Variants in JMJD1C observed in about 807,000 individuals in gnomAD.
JMJD1C encodes jumonji domain-containing protein 1C.
A neutral mutation model predicts 245.3 loss-of-function variants in JMJD1C; 31 were observed. The observed-to-expected ratio is 0.13, with a 90% CI of 0.09 to 0.17. The LOEUF (loss-of-function observed/expected upper bound fraction) is 0.17, where lower values mean the gene tolerates loss of function less well. Ranked by LOEUF, JMJD1C falls within the 10% of genes least tolerant of loss-of-function variation. The pLI is 1.00. For missense variants in JMJD1C, 2,691 were observed against 3,000.2 expected (o/e 0.90, Z 2.41); for synonymous variants, 1,057 against 1,017.4 (o/e 1.04, Z -0.74).
chr10:63,297,998 T>C (rs1437287884), intron 2 of JMJD1C, among the ~76,000 whole-genome samples: 1 of 152,218 alleles, frequency 6.6e-6, no homozygotes, highest in African/African-American at 2.4e-5. Flanking sequence ...ATTCCCTCCA[T>C]CCACACGCGG....
At chr10:63,291,673 G>A (rs1858739993) in intron 2 of JMJD1C, among the ~76,000 whole-genome samples, 1 of 151,070 alleles carries the variant, frequency 6.6e-6, no homozygotes, top group South Asian at 2.1e-4. Flanking sequence ...CTAGAGTGCA[G>A]TGACTATTCA....
rs376120047 is a variant in JMJD1C at position 63,207,360 on chromosome 10, T to A, written c.4309A>T (p.Ser1437Cys). 3 of 1,613,958 alleles carry A rather than the reference T, an allele frequency of 1.9e-6. No homozygotes were observed. Among genetic ancestry groups the A allele is most frequent in the Non-Finnish European group, 1.7e-6 (2 of 1,180,034 alleles). ...STSSECVSSK[S>C]VSQPVAQKQE... Reference sequence around the variant, plus strand: ...TTTTGAGCCACTGGCTGACTGACACTTTTTGAAGATACACATTCTGATGAT... The same window carrying A: ...TTTTGAGCCACTGGCTGACTGACACATTTTGAAGATACACATTCTGATGAT... Residue 1437 changes from serine (S) to cysteine (C), a missense_variant, in exon 10 of 26, where the codon AGT becomes TGT. Coordinates refer to ENST00000399262, the MANE Select transcript of JMJD1C (RefSeq NM_032776.3).
In JMJD1C at chr10:63,465,965, CG is replaced by C; in HGVS notation, c.-304del. ...GGCAGCCCAGCCGCCGCCACCGCGC[CG>C]CGGCCAGTACTGCTCCGTCTCCCTC... is the stretch of plus-strand genomic sequence containing the variant. On this transcript the variant is annotated 5_prime_UTR_variant, in exon 1 of 26. Transcript: ENST00000399262. The C allele has an allele frequency of 2.0e-6, 1 of 511,758 alleles. No homozygotes were observed. The highest frequency in any genetic ancestry group is 1.9e-5 in the African/African-American group (1 of 51,840). 31.7% of individuals were successfully genotyped at this position (511,758 alleles called of 1,614,324 possible).
chr10:63,468,907 A>T (rs1364766765), upstream of JMJD1C, among the ~76,000 whole-genome samples: 1 of 152,176 alleles, frequency 6.6e-6, no homozygotes, highest in Admixed American at 6.5e-5. Context: ...TGAGCCCAGG[A>T]CTTCTGTTCA....
chr10:63,410,488 C>T (rs912058575), intron 1 of JMJD1C, among the ~76,000 whole-genome samples: 6 of 152,134 alleles, frequency 3.9e-5, no homozygotes, highest in African/African-American at 1.4e-4. Context: ...AGGACCACTG[C>T]TAATACCAAG....
At chr10:63,208,940 A>G (rs949067090) in intron 9 of JMJD1C, 123 bp downstream of exon 9, 2 of 1,089,596 alleles carry the variant, frequency 1.8e-6, no homozygotes, top group East Asian at 2.5e-5. Flanking sequence ...ATTTGAAGAA[A>G]TATCAAAACA....
chr10:63,446,638 A>G (rs1951735766), intron 1 of JMJD1C, among the ~76,000 whole-genome samples: 1 of 152,256 alleles, frequency 6.6e-6, no homozygotes, highest in Non-Finnish European at 1.5e-5. Context: ...CCAAGTGAGC[A>G]TAATGTCCTA....
At position 63,256,987 on chromosome 10, in the gene JMJD1C, C is replaced by T. The variant is rs375241263; in HGVS notation, c.447+7664G>A. Reference sequence around the variant, plus strand: ...CAGTGGCTTACACCTGTAATCCGAACACGTTGGGAGGCCGAGGTGGGAGGA... The same window carrying T: ...CAGTGGCTTACACCTGTAATCCGAATACGTTGGGAGGCCGAGGTGGGAGGA... On this transcript the variant is annotated intron_variant, in intron 3 of 25. Transcript: ENST00000399262. Among the ~76,000 whole-genome samples the T allele has an allele frequency of 8.1e-4, 123 of 152,064 alleles. 2 individuals are homozygous for T. The highest frequency in any genetic ancestry group is 2.8e-3 in the African/African-American group (117 of 41,480).
chr10:63,257,304 A>G (rs529777295), intron 3 of JMJD1C, among the ~76,000 whole-genome samples: 4 of 152,196 alleles, frequency 2.6e-5, no homozygotes, highest in Non-Finnish European at 5.9e-5. Context: ...ATTAATCTAA[A>G]TGATCCTGGT....
chr10:63,303,748 A>G (rs1011734874), intron 2 of JMJD1C, among the ~76,000 whole-genome samples: 1 of 152,324 alleles, frequency 6.6e-6, no homozygotes, highest in African/African-American at 2.4e-5. Flanking sequence ...TCAATAGCAT[A>G]CAAACTATTT....
chr10:63,490,906 A>G (rs1337747218), intron 1 of JMJD1C, among the ~76,000 whole-genome samples: 1 of 152,234 alleles, frequency 6.6e-6, no homozygotes, highest in Non-Finnish European at 1.5e-5. Context: ...GATGACAAAA[A>G]TAACAGTTAA....
At chr10:63,445,688 T>G (rs907535629) in intron 1 of JMJD1C, among the ~76,000 whole-genome samples, 1 of 152,042 alleles carries the variant, frequency 6.6e-6, no homozygotes, top group Non-Finnish European at 1.5e-5. Context: ...CACTATAGAC[T>G]TTTATGGGTA....
chr10:63,366,060 CACATAGACCCT>C (rs1352935871), intron 2 of JMJD1C, among the ~76,000 whole-genome samples: 1 of 152,146 alleles, frequency 6.6e-6, no homozygotes. Context: ...TTATAATGAG[CACATAGACCCT>C]ACTATATAAC....
intron 1 of JMJD1C, among the ~76,000 whole-genome samples, chr10:63,460,700 A>G (rs945828108): frequency 2.0e-5 from 3 of 152,254 alleles, no homozygotes; most frequent in African/African-American, 7.2e-5. Flanking sequence ...CATTTCTTGT[A>G]TATAATTTGA....
chr10:63,364,556 G>A (rs1339606761), intron 2 of JMJD1C, among the ~76,000 whole-genome samples: 1 of 152,076 alleles, frequency 6.6e-6, no homozygotes, highest in Non-Finnish European at 1.5e-5. Flanking sequence ...CTGGATCACA[G>A]CTCACTGCAG....
chr10:63,458,718 T>TTTTAA lies in JMJD1C; in HGVS notation c.168+6776_168+6777insTTAAA, dbSNP rs112438618. Among the ~76,000 whole-genome samples, 15 of 122,872 alleles carry TTTTAA rather than the reference T, an allele frequency of 1.2e-4. No homozygotes were observed. In the East Asian group the frequency reaches 1.3e-3, roughly 10 times the overall value. The allele number at this position is 122,872 out of a possible 152,430, so 80.6% of individuals were successfully genotyped here. ...TTTTATAAAGTTAAATATAGCTTTT[T>TTTTAA]TTTTATTTATTTATTTTTTTTTTGA... On this transcript the variant is annotated intron_variant, in intron 1 of 25. Coordinates refer to ENST00000399262, the MANE Select transcript of JMJD1C (RefSeq NM_032776.3).
rs372721748 is a variant in JMJD1C, at chr10:63,427,904, C to CA, written c.168+37590dup. 85 of 735,024 alleles carry CA rather than the reference C, an allele frequency of 1.2e-4. No individual in the cohort carries two copies. The East Asian group carries it at 2.2e-3, about 19-fold the overall frequency. The allele number at this position is 735,024 out of a possible 1,614,324, so 45.5% of individuals were successfully genotyped here. ...GCAGCTACAGAGAAGGCAAGGACCT[C>CA]ACCAGCAAGGCAGCCACCTAGAAGC... On this transcript the variant is annotated intron_variant, in intron 1 of 25. Transcript: ENST00000399262.
At chr10:63,365,202 G>C (rs1945734209) in intron 2 of JMJD1C, among the ~76,000 whole-genome samples, 2 of 152,126 alleles carry the variant, frequency 1.3e-5, no homozygotes, top group African/African-American at 2.4e-5. Context: ...CTTTTCCTTA[G>C]CCAAGCCAGG....
chr10:63,408,740 A>G (rs1949316985), intron 1 of JMJD1C, among the ~76,000 whole-genome samples: 1 of 151,756 alleles, frequency 6.6e-6, no homozygotes, highest in African/African-American at 2.4e-5. Flanking sequence ...GGAGTAAGAT[A>G]TACTCCATCG....
Sources: gnomAD v4.1 joint callset for allele counts (sites outside exome capture counted in the v4.1 genomes callset) on GRCh38, gnomAD v4.1.1 for gene constraint, MANE v1.5 for transcripts, NCBI Gene and HGNC (gene_info 2026-07-23, HGNC 2026-07-21) for gene names.